Variants in REC114 observed in about 807,000 individuals in gnomAD.
REC114 encodes REC114 meiotic recombination protein.
A neutral mutation model predicts 31.3 loss-of-function variants in REC114; 27 were observed. The observed-to-expected ratio is 0.86, with a 90% CI of 0.64 to 1.19. The LOEUF (loss-of-function observed/expected upper bound fraction) is 1.19, where lower values mean the gene tolerates loss of function less well. Ranked by LOEUF, REC114 falls within the 50% of genes most tolerant of loss-of-function variation. The pLI, the probability that REC114 is intolerant of heterozygous loss-of-function variation, is 0.00. For synonymous variants in REC114, 134 were observed against 127.7 expected (o/e 1.05, Z -0.33); for missense variants, 344 against 326.9 (o/e 1.05, Z -0.40).
At chr15:73,505,754 G>A (rs1219851717) in intron 2 of REC114, among the ~76,000 whole-genome samples, 2 of 152,168 alleles carry the variant, frequency 1.3e-5, no homozygotes, top group South Asian at 2.1e-4. Context: ...GGATGGTCTC[G>A]ATTTCCTGAC....
At chr15:73,536,498 A>G (rs1894158735) in intron 2 of REC114, among the ~76,000 whole-genome samples, 4 of 152,220 alleles carry the variant, frequency 2.6e-5, no homozygotes, top group Admixed American at 2.6e-4. Context: ...GGCAGTAAGC[A>G]CAGCATGCTA....
rs192740241 is a variant in REC114 at position 73,506,771 on chromosome 15, A to G, written c.249+32850A>G. Among the ~76,000 whole-genome samples, 5 of 152,334 alleles carry G rather than the reference A, an allele frequency of 3.3e-5. No individual in the cohort carries two copies. The East Asian group carries it at 9.6e-4, about 29-fold the overall frequency. ...ATCAAACTTACAGGACCCTTTGAAG[A>G]TTAAGAGCAATACAAGTCTGAGAGA... On this transcript the variant is annotated intron_variant, in intron 2 of 5. Coordinates refer to ENST00000331090, the MANE Select transcript of REC114 (RefSeq NM_001042367.2).
intron 2 of REC114, among the ~76,000 whole-genome samples, chr15:73,535,729 G>C (rs1382224444): frequency 6.8e-6 from 1 of 147,102 alleles, no homozygotes; most frequent in African/African-American, 2.5e-5. Flanking sequence ...TCAATCCTAA[G>C]CCAAAAGAAC....
chr15:73,488,020 T>TCAC (rs2141300872), intron 2 of REC114, among the ~76,000 whole-genome samples: 1 of 152,194 alleles, frequency 6.6e-6, no homozygotes, highest in South Asian at 2.1e-4. Context: ...CCCTCTGGAG[T>TCAC]GGTGGCCAGA....
At chr15:73,480,980 T>G (rs1405048303) in intron 2 of REC114, among the ~76,000 whole-genome samples, 2 of 152,132 alleles carry the variant, frequency 1.3e-5, no homozygotes, top group African/African-American at 4.8e-5. Context: ...CCTTAGAACT[T>G]TTTTCATAAA....
chr15:73,556,786 C>T (rs1390967376), intron 5 of REC114, among the ~76,000 whole-genome samples: 1 of 152,146 alleles, frequency 6.6e-6, no homozygotes, highest in Non-Finnish European at 1.5e-5. Context: ...GGATTCAGAT[C>T]TACAACAATT....
intron 2 of REC114, among the ~76,000 whole-genome samples, chr15:73,474,847 G>A (rs943475065): frequency 3.3e-5 from 5 of 152,164 alleles, no homozygotes; most frequent in African/African-American, 1.2e-4. Context: ...TCTCACATGT[G>A]TATGTTGTGA....
chr15:73,500,237 G>A (rs887830510), intron 2 of REC114, among the ~76,000 whole-genome samples: 3 of 151,668 alleles, frequency 2.0e-5, no homozygotes, highest in African/African-American at 7.3e-5. Context: ...TGTTCTCTAT[G>A]CCTAGCATAG....
intron 3 of REC114, 24 bp from the exon 4 acceptor site, chr15:73,550,914 G>C (rs1566950005): frequency 6.2e-7 from 1 of 1,607,690 alleles, no homozygotes; most frequent in Admixed American, 1.7e-5. Context: ...GGTCTCTCAT[G>C]ATAACTTTTG....
At chr15:73,462,438 T>A (rs539788641) in intron 1 of REC114, among the ~76,000 whole-genome samples, 2 of 152,298 alleles carry the variant, frequency 1.3e-5, no homozygotes, top group East Asian at 3.9e-4. Context: ...CGTTGTCCTT[T>A]GTGGTAAGCT....
chr15:73,459,932 G>C (rs1892966910), intron 1 of REC114, among the ~76,000 whole-genome samples: 1 of 152,164 alleles, frequency 6.6e-6, no homozygotes, highest in South Asian at 2.1e-4. Context: ...GCAGCATACT[G>C]TAAGCTACAC....
At chr15:73,466,008 C>T (rs753282967) in intron 1 of REC114, among the ~76,000 whole-genome samples, 10 of 151,822 alleles carry the variant, frequency 6.6e-5, no homozygotes, top group Non-Finnish European at 1.0e-4. Context: ...CACACCACCA[C>T]GCCTGGCTAA....
intron 2 of REC114, among the ~76,000 whole-genome samples, chr15:73,533,306 GACAC>G: frequency 1.1e-5 from 1 of 95,224 alleles, no homozygotes. Flanking sequence ...CACGTGCAGA[GACAC>G]ACACAGGCTC....
At chr15:73,546,520 A>G (rs957167510) in intron 3 of REC114, among the ~76,000 whole-genome samples, 1 of 152,192 alleles carries the variant, frequency 6.6e-6, no homozygotes, top group Non-Finnish European at 1.5e-5. Flanking sequence ...GTAATGAGGT[A>G]TACTTCTATT....
Position 73,523,787 on chromosome 15 carries a change from C to T in REC114, c.250-16698C>T, listed in dbSNP as rs118050612. Among the ~76,000 whole-genome samples the T allele has an allele frequency of 8.4e-3, 1,281 of 152,194 alleles. 13 individuals are homozygous for T. Among genetic ancestry groups the T allele is most frequent in the Non-Finnish European group, 0.013 (878 of 67,994 alleles). On this transcript the variant is annotated intron_variant, in intron 2 of 5. Transcript: ENST00000331090. ...TACCCCAGGGTGGCAAAGATTCTCT[C>T]CTATGTTTTATTTTAGAAATTTTAT...
intron 2 of REC114, among the ~76,000 whole-genome samples, chr15:73,534,320 A>G (rs1448631538): frequency 6.6e-6 from 1 of 152,220 alleles, no homozygotes; most frequent in Non-Finnish European, 1.5e-5. Flanking sequence ...AGAATCAAAT[A>G]GACACAATAA....
At chr15:73,559,687 G>C (rs970859683) in intron 5 of REC114, 65 bp from the exon 6 acceptor site, 1 of 1,411,800 alleles carries the variant, frequency 7.1e-7, no homozygotes, top group African/African-American at 1.5e-5. Context: ...CTATTTGCCT[G>C]TGTTCTATTA....
chr15:73,493,873 G>A (rs1165552604), intron 2 of REC114, among the ~76,000 whole-genome samples: 15 of 152,260 alleles, frequency 9.9e-5, no homozygotes, highest in South Asian at 8.3e-4. Context: ...TATCTGGTAC[G>A]CTGCATTACA....
At chr15:73,546,244 C>A (rs533612833) in intron 3 of REC114, among the ~76,000 whole-genome samples, 5 of 150,666 alleles carry the variant, frequency 3.3e-5, no homozygotes, top group African/African-American at 7.3e-5. Flanking sequence ...TCTTCAGTGT[C>A]GGAGGGAAAT....
Sources: allele counts gnomAD v4.1 joint callset (sites outside exome capture counted in the v4.1 genomes callset), GRCh38; gene constraint gnomAD v4.1.1; transcripts MANE v1.5; gene names NCBI Gene and HGNC (gene_info 2026-07-23, HGNC 2026-07-21).